The following C2orf42 variants were observed in gnomAD, a reference collection of about 807,000 sequenced individuals.
The protein encoded by C2orf42 is uncharacterized protein C2orf42.
Under a neutral mutation model 58.9 loss-of-function variants are expected in C2orf42, and 44 were observed. The observed-to-expected ratio is 0.75, with a 90% CI of 0.59 to 0.96. The LOEUF is 0.96. Among genes scored for constraint, C2orf42 ranks in the 40% least tolerant of loss-of-function variants. The pLI, the probability that C2orf42 is intolerant of heterozygous loss-of-function variation, is 0.00. For synonymous variants in C2orf42, 239 were observed against 265.4 expected, an observed-to-expected ratio of 0.90 and a Z score of 0.97; for missense variants, 630 against 699.2, an observed-to-expected ratio of 0.90 and a Z score of 1.12.
In C2orf42 at chr2:70,181,951, G is replaced by A; in HGVS notation, c.35C>T (p.Ala12Val). 2.5e-6 allele frequency: 4 copies of A among 1,613,116 alleles called. No homozygotes were observed. The highest frequency in any genetic ancestry group is 3.4e-6 in the Non-Finnish European group (4 of 1,179,398). The change falls in exon 3 of 10, where the codon GCT becomes GTT. Residue 12 changes from alanine (A) to valine (V), a missense_variant. Coordinates refer to ENST00000264434, the MANE Select transcript of C2orf42 (RefSeq NM_017880.3). ...EPNSLRTKVP[A>V]FLSDLGKATL... ...GGCCTTCCCCAAATCAGATAAGAAA[G>A]CTGGGACTTTAGTCCTCAGAGAATT...
intron 1 of C2orf42, among the ~76,000 whole-genome samples, chr2:70,183,610 T>C (rs1674723992): frequency 6.6e-6 from 1 of 151,534 alleles, no homozygotes; most frequent in South Asian, 2.1e-4. Context: ...TTTGTATTTT[T>C]AGTAGAGACG....
chr2:70,182,300 A>C, intron 2 of C2orf42: 1 of 213,300 alleles, frequency 4.7e-6, no homozygotes, highest in Non-Finnish European at 9.6e-6. Flanking sequence ...GGGTTTGACC[A>C]TGTTGGCCAG....
chr2:70,174,677 C>CTT (rs547885328), intron 5 of C2orf42, among the ~76,000 whole-genome samples: 98 of 144,878 alleles, frequency 6.8e-4, no homozygotes, highest in African/African-American at 2.5e-3. Flanking sequence ...CCCCCTCTTT[C>CTT]TTTTTTTTTT....
intron 9 of C2orf42, among the ~76,000 whole-genome samples, chr2:70,154,954 A>G (rs572894708): frequency 6.6e-6 from 1 of 152,100 alleles, no homozygotes; most frequent in African/African-American, 2.4e-5. Context: ...GTTTATTAAG[A>G]AAGTAAAGGA....
At chr2:70,154,343 A>G (rs1672509068) in intron 9 of C2orf42, among the ~76,000 whole-genome samples, 1 of 147,284 alleles carries the variant, frequency 6.8e-6, no homozygotes, top group African/African-American at 2.5e-5. Flanking sequence ...GTGGAGGATC[A>G]CTTGAGGTCA....
intron 1 of C2orf42, among the ~76,000 whole-genome samples, chr2:70,185,038 C>T (rs944688760): frequency 2.0e-5 from 3 of 150,190 alleles, no homozygotes; most frequent in Admixed American, 6.7e-5. Flanking sequence ...TGCAGTGAAC[C>T]GAGATCATGC....
At chr2:70,156,080 G>A (rs538700047) in intron 9 of C2orf42, among the ~76,000 whole-genome samples, 85 of 152,076 alleles carry the variant, frequency 5.6e-4, no homozygotes, top group African/African-American at 1.9e-3. Flanking sequence ...TCTTGAACCC[G>A]GGAGGCGGAG....
chr2:70,179,892 T>C (rs897211153), intron 3 of C2orf42, among the ~76,000 whole-genome samples: 3 of 151,994 alleles, frequency 2.0e-5, no homozygotes, highest in Non-Finnish European at 2.9e-5. Flanking sequence ...TGAGCCGTGA[T>C]TATGTCACTG....
chr2:70,159,591 CAAA>C (rs56879530), intron 9 of C2orf42, among the ~76,000 whole-genome samples: 9 of 109,794 alleles, frequency 8.2e-5, no homozygotes, highest in Middle Eastern at 5.9e-3. Context: ...ACTCCCTCTC[CAAA>C]AAAAAAAAAA....
intron 6 of C2orf42, 37 bp from the exon 7 acceptor site, chr2:70,165,672 A>G: frequency 9.0e-7 from 1 of 1,113,188 alleles, no homozygotes; most frequent in African/African-American, 1.5e-5. Context: ...ATTTAAAGAA[A>G]CTCAGTGGAC....
chr2:70,166,995 G>C (rs998011540), intron 6 of C2orf42, among the ~76,000 whole-genome samples: 1 of 152,116 alleles, frequency 6.6e-6, no homozygotes, highest in Non-Finnish European at 1.5e-5. Flanking sequence ...TACCCAGCAA[G>C]CATCTGTCTT....
chr2:70,157,472 A>G (rs532464824), intron 9 of C2orf42, among the ~76,000 whole-genome samples: 1 of 149,544 alleles, frequency 6.7e-6, no homozygotes, highest in Admixed American at 6.7e-5. Flanking sequence ...CAAACAAACA[A>G]ACAAACAAAA....
intron 1 of C2orf42, among the ~76,000 whole-genome samples, chr2:70,185,237 C>T (rs1285710515): frequency 6.6e-6 from 1 of 151,838 alleles, no homozygotes. Context: ...CCTGTCTCTA[C>T]TAATAATACA....
In C2orf42 at chr2:70,161,400, C is replaced by T. The variant is rs144761445; in HGVS notation, c.1354-613G>A. On this transcript the variant is annotated intron_variant, in intron 8 of 9. Coordinates refer to ENST00000264434, the MANE Select transcript of C2orf42 (RefSeq NM_017880.3). ...TTAGCTCTATTCTCCCACATGCCTG[C>T]ACCCTGAGTTGCTTCAGTGTCTCCC... Among the ~76,000 whole-genome samples, 10 of 152,338 alleles carry T rather than the reference C, an allele frequency of 6.6e-5. No individual in the cohort carries two copies. The East Asian group carries it at 1.9e-3, about 29-fold the overall frequency.
At chr2:70,160,848 C>T in intron 8 of C2orf42, 61 bp from the exon 9 acceptor site, 2 of 1,043,050 alleles carry the variant, frequency 1.9e-6, no homozygotes, top group Non-Finnish European at 1.4e-6. Context: ...CAGACCAATA[C>T]CTGGATGACG....
chr2:70,154,414 T>TA (rs36028499), intron 9 of C2orf42, among the ~76,000 whole-genome samples: 1,602 of 25,604 alleles, frequency 0.063, 139 homozygotes, highest in East Asian at 0.11. Flanking sequence ...AAATTTTTAC[T>TA]AAAAAAAAAA....
At chr2:70,150,629 A>G (rs1257020424) in intron 9 of C2orf42, 65 bp from the exon 10 acceptor site, 1 of 1,230,226 alleles carries the variant, frequency 8.1e-7, no homozygotes, top group African/African-American at 1.5e-5. Flanking sequence ...CTAATTGCAA[A>G]AAAAGTGTCC....
At position 70,181,672 on chromosome 2, in the gene C2orf42, G is replaced by A. The variant is rs964254867; in HGVS notation, c.314C>T (p.Thr105Met). The A allele has an allele frequency of 2.1e-5, 34 of 1,613,986 alleles. No individual in the cohort carries two copies. Among genetic ancestry groups the A allele is most frequent in the Middle Eastern group, 1.6e-4 (1 of 6,084 alleles). ...TCCAGAGCTCAGCTGAGTGATGATC[G>A]TCCCATCCACTGTCTGGATTGTTGT... ...SETTIQTVDG[T>M]IITQLSSGRC... Residue 105 changes from threonine (T) to methionine (M), a missense_variant, in exon 3 of 10, where the codon ACG becomes ATG. Coordinates refer to ENST00000264434, the MANE Select transcript of C2orf42 (RefSeq NM_017880.3).
At chr2:70,188,642 C>T (rs902987885) in intron 1 of C2orf42, among the ~76,000 whole-genome samples, 2 of 152,136 alleles carry the variant, frequency 1.3e-5, no homozygotes, top group Admixed American at 6.6e-5. Context: ...AACCAAGGGA[C>T]CAACATTGCC....
Sources: gnomAD v4.1 joint callset for allele counts (sites outside exome capture counted in the v4.1 genomes callset) on GRCh38, gnomAD v4.1.1 for gene constraint, MANE v1.5 for transcripts, NCBI Gene and HGNC (gene_info 2026-07-23, HGNC 2026-07-21) for gene names.